SNX8: variants seen among roughly 807,000 people sequenced by gnomAD.
The protein encoded by SNX8 is sorting nexin 8.
SNX8 carries 25 observed loss-of-function variants against 51.6 expected under a neutral mutation model. The ratio of observed to expected loss-of-function variants is 0.48; its 90% CI spans 0.35 to 0.68. SNX8 has a LOEUF of 0.68. Among genes scored for constraint, SNX8 ranks in the 30% least tolerant of loss-of-function variants. The pLI, the probability that SNX8 is intolerant of heterozygous loss-of-function variation, is 0.00. For missense variants in SNX8, 695 were observed against 624.0 expected, an observed-to-expected ratio of 1.11 and a Z score of -1.21; for synonymous variants, 324 against 277.0, an observed-to-expected ratio of 1.17 and a Z score of -1.68.
chr7:2,278,280 CTCGATGGCCTGGGGT>C lies in SNX8; in HGVS notation c.105_119del (p.Glu40_Ile44del). On this transcript the variant is annotated inframe_deletion, in exon 2 of 11. Transcript: ENST00000222990. ...GGACCTGCTGCACGATGGCCTGGGGCTCGATGGCCTGGGGTGTCGGCAGATCTGCAGGGGAGATGG... is the reference window on the plus strand; with the variant it reads ...GGACCTGCTGCACGATGGCCTGGGGCGTCGGCAGATCTGCAGGGGAGATGG... 6.3e-7 allele frequency: 1 copy of C among 1,586,350 alleles called. No homozygotes were observed. The highest frequency in any genetic ancestry group is 8.6e-7 in the Non-Finnish European group (1 of 1,163,742).
At chr7:2,346,108 A>G (rs114519532) in intron 1 of SNX8, among the ~76,000 whole-genome samples, 1,763 of 152,222 alleles carry the variant, frequency 0.012, 41 homozygotes, top group African/African-American at 0.036. Context: ...CACCCAGCCT[A>G]TTTCTTATAA....
At chr7:2,280,267 G>A (rs1195752964) in intron 1 of SNX8, among the ~76,000 whole-genome samples, 2 of 152,132 alleles carry the variant, frequency 1.3e-5, no homozygotes, top group Non-Finnish European at 2.9e-5. Flanking sequence ...TGTTTAAAAA[G>A]TCAGTTTGGT....
intron 1 of SNX8, among the ~76,000 whole-genome samples, chr7:2,351,745 T>G (rs185622517): frequency 0.013 from 1,856 of 148,430 alleles, 32 homozygotes; most frequent in African/African-American, 0.042. Flanking sequence ...GCAGGAGAAT[T>G]GCTTGAACCC....
rs185434470 is a variant in SNX8 at position 2,274,290 on chromosome 7, C to T, written c.418+822G>A. Among the ~76,000 whole-genome samples, 14 of 152,350 alleles carry T rather than the reference C, an allele frequency of 9.2e-5. No homozygotes were observed. In the East Asian group the frequency reaches 2.7e-3, roughly 29 times the overall value. ...GCAGAAGCATTTATGCATCATCGTA[C>T]GATTTCAGATGCGGGGAACTGGCGA... On this transcript the variant is annotated intron_variant, in intron 3 of 10. Coordinates refer to ENST00000222990, the MANE Select transcript of SNX8 (RefSeq NM_013321.4).
At chr7:2,287,355 G>A (rs959957846) in intron 1 of SNX8, among the ~76,000 whole-genome samples, 2 of 151,756 alleles carry the variant, frequency 1.3e-5, no homozygotes, top group Non-Finnish European at 2.9e-5. Flanking sequence ...TGAAGCAGGT[G>A]GATCCATTGA....
chr7:2,266,162 G>A (rs1355374089), intron 5 of SNX8, among the ~76,000 whole-genome samples: 1 of 152,088 alleles, frequency 6.6e-6, no homozygotes, highest in Non-Finnish European at 1.5e-5. Flanking sequence ...TGAAGAAGCA[G>A]GTTTTTTTCT....
intron 1 of SNX8, among the ~76,000 whole-genome samples, chr7:2,338,191 G>A (rs1015104234): frequency 1.3e-5 from 2 of 151,982 alleles, no homozygotes; most frequent in South Asian, 2.1e-4. Flanking sequence ...GGCCAGGCGC[G>A]GTGGCTCACA....
At chr7:2,322,091 G>GT (rs563246633) in intron 1 of SNX8, among the ~76,000 whole-genome samples, 2 of 152,166 alleles carry the variant, frequency 1.3e-5, no homozygotes, top group East Asian at 1.9e-4. Context: ...TGGTTAATCT[G>GT]TTTTTTTGAT....
At chr7:2,280,633 T>TG (rs1562435732) in intron 1 of SNX8, among the ~76,000 whole-genome samples, 1 of 152,212 alleles carries the variant, frequency 6.6e-6, no homozygotes, top group Non-Finnish European at 1.5e-5. Flanking sequence ...ATTTGAACTT[T>TG]GATTGCATGA....
intron 1 of SNX8, among the ~76,000 whole-genome samples, chr7:2,301,793 T>G (rs1370417048): frequency 6.6e-6 from 1 of 152,156 alleles, no homozygotes; most frequent in East Asian, 1.9e-4. Context: ...AGGCCCTGCC[T>G]CCAGCGTCGA....
chr7:2,305,708 G>A (rs1182689560), intron 1 of SNX8, among the ~76,000 whole-genome samples: 2 of 151,986 alleles, frequency 1.3e-5, no homozygotes, highest in African/African-American at 4.8e-5. Flanking sequence ...CACATGCACA[G>A]AAAGGACTAT....
intron 1 of SNX8, among the ~76,000 whole-genome samples, chr7:2,311,905 C>A (rs1189910374): frequency 6.6e-6 from 1 of 151,870 alleles, no homozygotes; most frequent in African/African-American, 2.4e-5. Flanking sequence ...CCACTGCACT[C>A]CAGCCTGGGC....
chr7:2,310,723 A>T (rs183502693), intron 1 of SNX8, among the ~76,000 whole-genome samples: 1 of 152,062 alleles, frequency 6.6e-6, no homozygotes, highest in African/African-American at 2.4e-5. Context: ...GTGAGCCAAG[A>T]TCGCACCACT....
chr7:2,261,908 G>A (rs1360178672), intron 7 of SNX8, among the ~76,000 whole-genome samples: 1 of 152,196 alleles, frequency 6.6e-6, no homozygotes, highest in East Asian at 1.9e-4. Context: ...CAGGAGCTCC[G>A]GGGCTCAGGG....
intron 1 of SNX8, among the ~76,000 whole-genome samples, chr7:2,347,841 G>A (rs1779061082): frequency 1.3e-5 from 2 of 151,732 alleles, no homozygotes; most frequent in South Asian, 2.1e-4. Context: ...ATGGGGTTTC[G>A]CCATATTAGC....
chr7:2,345,938 G>A (rs1779014264), intron 1 of SNX8, among the ~76,000 whole-genome samples: 1 of 151,916 alleles, frequency 6.6e-6, no homozygotes, highest in Admixed American at 6.6e-5. Context: ...CTCCCGAGTA[G>A]CTGGGATTAT....
intron 10 of SNX8, among the ~76,000 whole-genome samples, chr7:2,255,819 G>C (rs1486021502): frequency 6.6e-6 from 1 of 152,236 alleles, no homozygotes; most frequent in Non-Finnish European, 1.5e-5. Context: ...ACCAGGGCAA[G>C]GAACGGATGC....
chr7:2,275,134 C>G lies in SNX8; in HGVS notation c.396G>C (p.Leu132=), dbSNP rs751373785. Residue 132 remains leucine (L), a synonymous_variant, in exon 3 of 11, where the codon CTG becomes CTC. Coordinates refer to ENST00000222990, the MANE Select transcript of SNX8 (RefSeq NM_013321.4). ...HKFPYRMVPA[L]PPKRMLGADR... is the part of the protein sequence containing the mutation. ...TACCTCCCAGCATTCTCTTGGGTGGCAGGGCAGGCACCATACGGTAGGGGA... is the reference window on the plus strand; with the variant it reads ...TACCTCCCAGCATTCTCTTGGGTGGGAGGGCAGGCACCATACGGTAGGGGA... 2.5e-6 allele frequency: 4 copies of G among 1,613,294 alleles called. No homozygotes were observed. The South Asian group carries it at 4.4e-5, about 18-fold the overall frequency.
chr7:2,314,210 G>T, intron 1 of SNX8, 118 bp downstream of exon 1: 1 of 1,073,776 alleles, frequency 9.3e-7, no homozygotes, highest in Non-Finnish European at 1.2e-6. Flanking sequence ...GGCCGAACGC[G>T]GGGCGCGGGG....
Sources: gnomAD v4.1 joint callset for allele counts (sites outside exome capture counted in the v4.1 genomes callset) on GRCh38, gnomAD v4.1.1 for gene constraint, MANE v1.5 for transcripts, NCBI Gene and HGNC (gene_info 2026-07-23, HGNC 2026-07-21) for gene names.